BICD1: variants seen among roughly 807,000 people sequenced by gnomAD.
BICD1 encodes the protein protein bicaudal D homolog 1.
Under a neutral mutation model 92.5 loss-of-function variants are expected in BICD1, and 35 were observed. The ratio of observed to expected loss-of-function variants is 0.38; its 90% confidence interval spans 0.29 to 0.50. The LOEUF is 0.50. Among genes scored for constraint, BICD1 ranks in the 20% least tolerant of loss-of-function variants. BICD1 has a pLI of 0.93. For missense variants in BICD1, 950 were observed against 1,189.8 expected (o/e 0.80, Z 2.97); for synonymous variants, 429 against 465.1 (o/e 0.92, Z 1.00).
At chr12:32,264,733 C>G (rs1484030167) in intron 2 of BICD1, among the ~76,000 whole-genome samples, 1 of 152,178 alleles carries the variant, frequency 6.6e-6, no homozygotes, top group East Asian at 1.9e-4. Context: ...AAGTGATCCA[C>G]CTACCTTGGC....
intron 1 of BICD1, among the ~76,000 whole-genome samples, chr12:32,171,940 T>TACACACACACACAC (rs61038844): frequency 7.1e-6 from 1 of 140,992 alleles, no homozygotes; most frequent in Non-Finnish European, 1.5e-5. Context: ...TCTCAAAAAA[T>TACACACACACACAC]ACACACACAC....
intron 4 of BICD1, among the ~76,000 whole-genome samples, chr12:32,314,386 C>T (rs1231459734): frequency 4.6e-5 from 7 of 152,112 alleles, no homozygotes; most frequent in Non-Finnish European, 1.5e-5. Flanking sequence ...TTTTTTATCC[C>T]CACCAGCAGT....
intron 4 of BICD1, among the ~76,000 whole-genome samples, chr12:32,315,824 A>G (rs1382387124): frequency 6.6e-6 from 1 of 152,084 alleles, no homozygotes; most frequent in Non-Finnish European, 1.5e-5. Flanking sequence ...GAGATAGTAA[A>G]CATTTTATTA....
At chr12:32,278,812 C>T (rs7312230) in intron 2 of BICD1, among the ~76,000 whole-genome samples, 2,610 of 152,206 alleles carry the variant, frequency 0.017, 76 homozygotes, top group African/African-American at 0.057. Context: ...GCCGAGATTG[C>T]GCCACTGCAC....
intron 2 of BICD1, among the ~76,000 whole-genome samples, chr12:32,237,529 C>A (rs1180886229): frequency 1.3e-5 from 2 of 152,190 alleles, no homozygotes; most frequent in Admixed American, 6.5e-5. Context: ...AAGGGACAGG[C>A]TTTTGTCCCT....
At chr12:32,140,643 G>A (rs1942884670) in intron 1 of BICD1, among the ~76,000 whole-genome samples, 1 of 152,084 alleles carries the variant, frequency 6.6e-6, no homozygotes, top group Non-Finnish European at 1.5e-5. Flanking sequence ...AGTGTGGGAG[G>A]ATCTTTTTAT....
intron 1 of BICD1, among the ~76,000 whole-genome samples, chr12:32,173,423 G>A (rs987051913): frequency 4.6e-5 from 7 of 152,162 alleles, no homozygotes; most frequent in African/African-American, 1.7e-4. Flanking sequence ...TTAAAGTGAT[G>A]CCTTGCTGAC....
chr12:32,368,381 C>T (rs1294637076), intron 9 of BICD1, among the ~76,000 whole-genome samples: 1 of 151,980 alleles, frequency 6.6e-6, no homozygotes, highest in Non-Finnish European at 1.5e-5. Context: ...AAACAAAAAA[C>T]ACAGTAAAAT....
chr12:32,147,289 A>G (rs973119255), intron 1 of BICD1, among the ~76,000 whole-genome samples: 5 of 152,178 alleles, frequency 3.3e-5, no homozygotes, highest in Non-Finnish European at 7.3e-5. Flanking sequence ...AAGTAATATT[A>G]GGACTGGAAA....
At chr12:32,258,501 A>C (rs146935849) in intron 2 of BICD1, among the ~76,000 whole-genome samples, 1,799 of 152,254 alleles carry the variant, frequency 0.012, 18 homozygotes, top group Non-Finnish European at 0.015. Context: ...CAAGACAAAG[A>C]GATAAAGAGA....
chr12:32,114,722 C>A (rs1013300098), intron 1 of BICD1, among the ~76,000 whole-genome samples: 4 of 151,994 alleles, frequency 2.6e-5, no homozygotes, highest in Admixed American at 2.6e-4. Flanking sequence ...TTTATAGAAG[C>A]CTAATTTCTA....
chr12:32,257,028 C>T (rs545787585), intron 2 of BICD1, among the ~76,000 whole-genome samples: 15 of 152,040 alleles, frequency 9.9e-5, no homozygotes, highest in Admixed American at 3.3e-4. Flanking sequence ...TCCTGGCTAA[C>T]ATGGTGAAAC....
At chr12:32,168,045 T>A (rs1943825463) in intron 1 of BICD1, among the ~76,000 whole-genome samples, 1 of 152,098 alleles carries the variant, frequency 6.6e-6, no homozygotes, top group Non-Finnish European at 1.5e-5. Flanking sequence ...TGTATACTTG[T>A]GTATCTCATC....
chr12:32,129,067 G>A (rs1033880083), intron 1 of BICD1, among the ~76,000 whole-genome samples: 1 of 151,794 alleles, frequency 6.6e-6, no homozygotes, highest in African/African-American at 2.4e-5. Flanking sequence ...TCAGCCTCCC[G>A]AGTAGCTGGG....
intron 8 of BICD1, among the ~76,000 whole-genome samples, chr12:32,363,134 C>T (rs1939396644): frequency 1.3e-5 from 2 of 152,076 alleles, no homozygotes; most frequent in South Asian, 4.1e-4. Flanking sequence ...TTCTATCTTC[C>T]CTTCTACGTG....
intron 1 of BICD1, chr12:32,108,793 C>T (rs1941588278): frequency 7.1e-6 from 4 of 560,838 alleles, no homozygotes; most frequent in Non-Finnish European, 6.4e-6. Context: ...ATTAAAAATC[C>T]CAACTAGGAA....
At position 32,198,326 on chromosome 12, in the gene BICD1, C is replaced by CTATATATA. The variant is rs1233094983; in HGVS notation, c.214-17918_214-17917insATATATAT. 3.0e-3 allele frequency among the ~76,000 whole-genome samples: 333 copies of CTATATATA among 112,218 alleles called. 4 individuals are homozygous for CTATATATA. The highest frequency in any genetic ancestry group is 0.011 in the African/African-American group (312 of 28,326). The allele number at this position is 112,218 out of a possible 152,430, so 73.6% of individuals were successfully genotyped here. On this transcript the variant is annotated intron_variant, in intron 1 of 9. Coordinates refer to ENST00000652176, the MANE Select transcript of BICD1 (RefSeq NM_001714.4). ...GGATGATTATGGGAATAATATGCAT[C>CTATATATA]TATCTATATATATATATATATATAT... is the stretch of plus-strand genomic sequence containing the variant.
intron 4 of BICD1, among the ~76,000 whole-genome samples, chr12:32,311,390 T>C (rs1018035363): frequency 6.6e-6 from 1 of 152,176 alleles, no homozygotes; most frequent in East Asian, 1.9e-4. Flanking sequence ...TCCCAGCTAC[T>C]TGGGAGGCTG....
At chr12:32,243,392 G>A (rs907946510) in intron 2 of BICD1, among the ~76,000 whole-genome samples, 2 of 151,206 alleles carry the variant, frequency 1.3e-5, no homozygotes, top group Non-Finnish European at 2.9e-5. Flanking sequence ...AGGATTACAG[G>A]CATGAGCAAC....
Sources: gnomAD v4.1 joint callset for allele counts (sites outside exome capture counted in the v4.1 genomes callset) on GRCh38, gnomAD v4.1.1 for gene constraint, MANE v1.5 for transcripts, NCBI Gene and HGNC (gene_info 2026-07-23, HGNC 2026-07-21) for gene names.